Variants in KAT6A observed in about 807,000 individuals in gnomAD.
KAT6A encodes the protein histone acetyltransferase KAT6A.
KAT6A carries 9 observed loss-of-function variants against 198.4 expected under a neutral mutation model. The observed-to-expected ratio is 0.05, with a 90% CI of 0.03 to 0.08. The LOEUF is 0.08. KAT6A is among the 10% of genes least tolerant of loss of function. KAT6A has a pLI of 1.00. For synonymous variants in KAT6A, 890 were observed against 883.0 expected (o/e 1.01, Z -0.14); for missense variants, 2,077 against 2,509.9 (o/e 0.83, Z 3.69).
intron 5 of KAT6A, among the ~76,000 whole-genome samples, chr8:41,980,408 A>G (rs1413168218): frequency 1.3e-5 from 2 of 152,184 alleles, no homozygotes; most frequent in East Asian, 3.8e-4. Context: ...TATTTCATAA[A>G]AAGGTTTTTT....
At chr8:41,981,467 A>T (rs1824354100) in intron 4 of KAT6A, among the ~76,000 whole-genome samples, 1 of 152,220 alleles carries the variant, frequency 6.6e-6, no homozygotes. Context: ...AAGTATATCC[A>T]ATAACCAGAA....
At position 41,967,264 on chromosome 8, in the gene KAT6A, T is replaced by TA. The variant is rs374118082; in HGVS notation, c.1482+7439dup. 5.4e-4 allele frequency among the ~76,000 whole-genome samples: 78 copies of TA among 145,244 alleles called. 1 individual carries two copies. Among genetic ancestry groups the TA allele is most frequent in the Admixed American group, 3.9e-3 (57 of 14,612 alleles). ...GAATACAAACGCGTCTTTCTTTTTT[T>TA]AAAAAAAAAAATTTATTTATTTATT... On this transcript the variant is annotated intron_variant, in intron 8 of 16. Transcript: ENST00000265713.
rs374003917 is a variant in KAT6A at position 41,932,299 on chromosome 8, C to T, written c.5921G>A (p.Gly1974Glu). ...TQQPMQPNPH[G>E]NMMYTGPSHH... ...GGAGGGGCCTGTGTACATCATGTTC[C>T]CATGAGGGTTAGGCTGCATAGGCTG... The change falls in exon 17 of 17, where the codon GGG becomes GAG. Residue 1974 changes from glycine to glutamate, a missense_variant. Gly to Glu is a moderately conservative substitution (Grantham distance 98). This residue lies in a region of KAT6A where 500 missense variants were observed against 577.2 expected (regional missense o/e 0.87). Transcript: ENST00000265713. 5.6e-6 allele frequency: 9 copies of T among 1,614,052 alleles called. No homozygotes were observed. The African/African-American group carries it at 1.2e-4, about 22-fold the overall frequency.
At chr8:41,962,956 A>G (rs1028583452) in intron 8 of KAT6A, among the ~76,000 whole-genome samples, 5 of 152,108 alleles carry the variant, frequency 3.3e-5, no homozygotes, top group African/African-American at 9.7e-5. Flanking sequence ...TTTTTGCTAA[A>G]TGTCAGAGAG....
rs766027638 is a variant in KAT6A, at chr8:41,933,777, G to A, written c.4443C>T (p.Ser1481=). 9.9e-6 allele frequency: 16 copies of A among 1,613,972 alleles called. No individual in the cohort carries two copies. Among genetic ancestry groups the A allele is most frequent in the Non-Finnish European group, 1.3e-5 (15 of 1,180,020 alleles). ...VEDCHASEHN[S]PISSVQSHPS... Reference sequence around the variant, plus strand: ...GGTGAGACTGAACGGAGGAGATAGGGCTATTATGTTCTGACGCATGACAGT... The same window carrying A: ...GGTGAGACTGAACGGAGGAGATAGGACTATTATGTTCTGACGCATGACAGT... The change falls in exon 17 of 17, where the codon AGC becomes AGT. Residue 1481 remains serine (S), a synonymous_variant. Coordinates refer to ENST00000265713, the MANE Select transcript of KAT6A (RefSeq NM_006766.5). This position sits in a 1 kb window ranked among gnomAD's most constrained non-coding sequence, Gnocchi z 6.2.
At chr8:41,985,079 C>T (rs1445377130) in intron 3 of KAT6A, among the ~76,000 whole-genome samples, 1 of 151,990 alleles carries the variant, frequency 6.6e-6, no homozygotes, top group African/African-American at 2.4e-5. Flanking sequence ...TATAATGCTA[C>T]TTAGACGGCA....
In KAT6A at chr8:42,000,825, C is replaced by T. The variant is rs74426135; in HGVS notation, c.601-13262G>A. On this transcript the variant is annotated intron_variant, in intron 2 of 16. Transcript: ENST00000265713. ...AGGGATCTGCAAAAATCATTATACG[C>T]TCCTCAGTTAAACAAAGAAAAAAAA... Among the ~76,000 whole-genome samples, 22 of 152,230 alleles carry T rather than the reference C, an allele frequency of 1.4e-4. No homozygotes were observed. In the East Asian group the frequency reaches 3.9e-3, roughly 27 times the overall value.
chr8:42,000,910 A>G (rs1438923668), intron 2 of KAT6A, among the ~76,000 whole-genome samples: 1 of 152,212 alleles, frequency 6.6e-6, no homozygotes, highest in Non-Finnish European at 1.5e-5. Context: ...AAAGTCAGGT[A>G]GATATTCTGA....
chr8:41,998,397 G>A (rs79737880), intron 2 of KAT6A, among the ~76,000 whole-genome samples: 15,888 of 152,054 alleles, frequency 0.1, 1,069 homozygotes, highest in East Asian at 0.24. Context: ...GTTCTAAAAC[G>A]TATGGTTCTC....
Position 41,941,375 on chromosome 8 carries a change from C to G in KAT6A, c.2506G>C (p.Glu836Gln). ...SYSVESEKKP[E>Q]VMAPVSSTRL... The stretch of plus-strand genomic sequence containing the variant: ...GTAGAACTGACTGGAGCCATAACTT[C>G]TGGTTTCTTTTCACTTTCTACTGAA... Residue 836 changes from glutamate (E) to glutamine (Q), a missense_variant, in exon 15 of 17, where the codon GAA becomes CAA. By Grantham distance (29) the Glu-to-Gln change is conservative. Around this residue, in one of 13 missense-constraint regions of KAT6A, gnomAD observed 301 missense variants for 272.2 expected, o/e 1.11. Transcript: ENST00000265713. 8.7e-6 allele frequency: 14 copies of G among 1,611,052 alleles called. No homozygotes were observed. The highest frequency in any genetic ancestry group is 1.1e-5 in the South Asian group (1 of 91,032).
At chr8:41,971,815 G>T (rs1269673048) in intron 8 of KAT6A, among the ~76,000 whole-genome samples, 1 of 152,060 alleles carries the variant, frequency 6.6e-6, no homozygotes, top group East Asian at 1.9e-4. Flanking sequence ...GATGACAGTG[G>T]GTTGGCAGTA....
chr8:41,938,185 A>G (rs920877976), intron 15 of KAT6A, among the ~76,000 whole-genome samples: 1 of 152,236 alleles, frequency 6.6e-6, no homozygotes, highest in African/African-American at 2.4e-5. Flanking sequence ...ACAAAATAAG[A>G]GATGATGCCC....
intron 15 of KAT6A, among the ~76,000 whole-genome samples, chr8:41,939,218 A>G (rs1278782995): frequency 6.6e-6 from 1 of 152,220 alleles, no homozygotes; most frequent in Non-Finnish European, 1.5e-5. Flanking sequence ...CTGAGGGGGT[A>G]GAAATCTTAA....
intron 8 of KAT6A, chr8:41,957,564 A>G (rs1050939971): frequency 4.1e-6 from 1 of 241,494 alleles, no homozygotes; most frequent in Middle Eastern, 1.6e-3. Flanking sequence ...ATATATTTAA[A>G]TGTTTAACTC....
intron 8 of KAT6A, among the ~76,000 whole-genome samples, chr8:41,964,219 T>C (rs1823345510): frequency 6.6e-6 from 1 of 152,148 alleles, no homozygotes; most frequent in Admixed American, 6.5e-5. Flanking sequence ...ATCCTTCTAA[T>C]GTTTCCATTT....
At chr8:42,017,758 T>A (rs1008811088) in intron 2 of KAT6A, among the ~76,000 whole-genome samples, 1 of 152,178 alleles carries the variant, frequency 6.6e-6, no homozygotes, top group Non-Finnish European at 1.5e-5. Flanking sequence ...TTGAGGATTC[T>A]GAACACTGGG....
intron 8 of KAT6A, among the ~76,000 whole-genome samples, chr8:41,960,893 T>C (rs1371142900): frequency 6.6e-6 from 1 of 152,158 alleles, no homozygotes; most frequent in East Asian, 1.9e-4. Context: ...AACTCTCTAG[T>C]TTCTCTTCTA....
chr8:41,995,965 C>G (rs1825182889), intron 2 of KAT6A, among the ~76,000 whole-genome samples: 1 of 152,120 alleles, frequency 6.6e-6, no homozygotes, highest in Non-Finnish European at 1.5e-5. Flanking sequence ...AGTGAGCCAC[C>G]ACGCCCGGTC....
chr8:41,960,108 TA>T (rs1158981871), intron 8 of KAT6A, among the ~76,000 whole-genome samples: 1 of 128,820 alleles, frequency 7.8e-6, no homozygotes, highest in Non-Finnish European at 1.6e-5. Flanking sequence ...GACAAATTAA[TA>T]AAGGCAGAAG....
Sources: allele counts gnomAD v4.1 joint callset (sites outside exome capture counted in the v4.1 genomes callset), GRCh38; gene constraint gnomAD v4.1.1; regional missense constraint gnomAD v4.1.1; non-coding constraint Gnocchi (gnomAD v3.1); transcripts MANE v1.5; gene names NCBI Gene and HGNC (gene_info 2026-07-23, HGNC 2026-07-21).